Variants in COL4A6 observed in about 807,000 individuals in gnomAD.
COL4A6 encodes the protein collagen alpha-6(IV) chain.
COL4A6 carries 59 observed loss-of-function variants against 126.7 expected under a neutral mutation model. The ratio of observed to expected loss-of-function variants is 0.47; its 90% CI spans 0.38 to 0.58. The LOEUF is 0.58. Ranked by LOEUF, COL4A6 falls within the 20% of genes least tolerant of loss-of-function variation. The pLI is 0.00. For synonymous variants in COL4A6, 547 were observed against 496.6 expected, an observed-to-expected ratio of 1.10 and a Z score of -1.35; for missense variants, 1,285 against 1,337.3, an observed-to-expected ratio of 0.96 and a Z score of 0.61.
Position 108,344,195 on chromosome X carries a change from A to C in COL4A6, c.64-33367T>G, listed in dbSNP as rs943459579. On this transcript the variant is annotated intron_variant, in intron 2 of 44. Transcript: ENST00000334504. ...ATCAGCCCCTCGAAACACCCCAAAC[A>C]TTAGTTTCCACTGAGAATGTACTTA... Among the ~76,000 whole-genome samples the C allele has an allele frequency of 3.6e-5, 4 of 111,313 alleles. 1 individual carries two copies. The Admixed American group carries it at 3.8e-4, about 11-fold the overall frequency.
chrX:108,193,901 A>G (rs745834318), intron 16 of COL4A6, among the ~76,000 whole-genome samples: 2 of 113,015 alleles, frequency 1.8e-5, no homozygotes, highest in East Asian at 5.6e-4. Context: ...GAGGCCTAAC[A>G]TTCAATTGGA....
chrX:108,190,422 T>C lies in COL4A6; in HGVS notation c.1396A>G (p.Lys466Glu). Residue 466 changes from lysine (K) to glutamate (E), a missense_variant, in exon 20 of 45, where the codon AAA becomes GAA. Physicochemically the swap from Lys to Glu is moderately conservative, Grantham distance 56. Coordinates refer to ENST00000334504, the MANE Select transcript of COL4A6 (RefSeq NM_033641.4). ...FPGLRGEQGP[K>E]GNLGLKGIKG... is the part of the protein sequence containing the mutation. ...ATTCCTTTGAGGCCTAGGTTTCCTT[T>C]TGGACCTTGTTCTCCTCGGAGACCA... 1 of 1,207,112 alleles carries C rather than the reference T, an allele frequency of 8.3e-7. No homozygotes were observed. Among genetic ancestry groups the C allele is most frequent in the African/African-American group, 1.7e-5 (1 of 57,645 alleles).
At chrX:108,425,733 A>ACACACACACAC (rs1429344016) in intron 2 of COL4A6, among the ~76,000 whole-genome samples, 1 of 90,582 alleles carries the variant, frequency 1.1e-5, no homozygotes, top group East Asian at 3.6e-4. Flanking sequence ...CACACACACA[A>ACACACACACAC]ACACACACAC....
At chrX:108,227,562 G>T (rs996603438) in intron 3 of COL4A6, among the ~76,000 whole-genome samples, 4 of 109,847 alleles carry the variant, frequency 3.6e-5, no homozygotes, top group South Asian at 4.0e-4. Context: ...AGGGTGGGGG[G>T]GCTTTCAAGT....
intron 2 of COL4A6, among the ~76,000 whole-genome samples, chrX:108,409,018 A>G (rs950952899): frequency 8.9e-6 from 1 of 112,491 alleles, no homozygotes; most frequent in Non-Finnish European, 1.9e-5. Flanking sequence ...GTGGTTCTGT[A>G]TATGACTTCA....
chrX:108,170,789 G>A (rs1464059977), intron 34 of COL4A6, 21 bp downstream of exon 34: 1 of 1,206,130 alleles, frequency 8.3e-7, no homozygotes, highest in Admixed American at 2.2e-5. Flanking sequence ...TTCAGAATAA[G>A]GTTATCATGT....
chrX:108,289,630 A>G (rs781336635), intron 3 of COL4A6, among the ~76,000 whole-genome samples: 73 of 111,756 alleles, frequency 6.5e-4, no homozygotes, highest in African/African-American at 2.0e-3. Context: ...AAGAAGGGCC[A>G]GACATAGACT....
At chrX:108,362,637 T>C (rs1396525895) in intron 2 of COL4A6, among the ~76,000 whole-genome samples, 1 of 112,411 alleles carries the variant, frequency 8.9e-6, no homozygotes, top group African/African-American at 3.2e-5. Context: ...GGCCTATTTA[T>C]TGGTCCTTTG....
At chrX:108,307,403 A>G (rs903842488) in intron 3 of COL4A6, among the ~76,000 whole-genome samples, 3 of 112,133 alleles carry the variant, frequency 2.7e-5, no homozygotes, top group African/African-American at 9.7e-5. Flanking sequence ...GGAAACTGCA[A>G]AGCAGTGCAC....
At chrX:108,256,149 T>C (rs1458113614) in intron 3 of COL4A6, among the ~76,000 whole-genome samples, 2 of 112,566 alleles carry the variant, frequency 1.8e-5, no homozygotes, top group African/African-American at 6.4e-5. Context: ...GTATTGTATG[T>C]ATTTTATTTT....
chrX:108,265,772 G>A (rs1569393075), intron 3 of COL4A6, among the ~76,000 whole-genome samples: 1 of 110,646 alleles, frequency 9.0e-6, no homozygotes, highest in African/African-American at 3.3e-5. Flanking sequence ...ATAATGGCAC[G>A]GGATGAAGTT....
intron 2 of COL4A6, among the ~76,000 whole-genome samples, chrX:108,311,835 C>T (rs1026249688): frequency 2.7e-5 from 3 of 111,829 alleles, no homozygotes; most frequent in African/African-American, 9.8e-5. Flanking sequence ...TCCAACACTG[C>T]ATCTCCAATG....
chrX:108,412,878 C>T (rs2041358508), intron 2 of COL4A6, among the ~76,000 whole-genome samples: 1 of 112,255 alleles, frequency 8.9e-6, no homozygotes, highest in African/African-American at 3.2e-5. Context: ...ATCAACACAG[C>T]CTGGAGTCCC....
At chrX:108,434,824 G>A (rs1384672366) in intron 2 of COL4A6, among the ~76,000 whole-genome samples, 3 of 108,094 alleles carry the variant, frequency 2.8e-5, no homozygotes, top group Non-Finnish European at 5.7e-5. Flanking sequence ...TATATTATAT[G>A]TTGTGATTTT....
chrX:108,166,683 T>C (rs1189050847), intron 37 of COL4A6, among the ~76,000 whole-genome samples: 1 of 111,629 alleles, frequency 9.0e-6, no homozygotes, highest in Non-Finnish European at 1.9e-5. Context: ...TCTAGGTTTC[T>C]TAGGTCCGGA....
chrX:108,279,464 C>T (rs183585008), intron 3 of COL4A6, among the ~76,000 whole-genome samples: 2 of 111,767 alleles, frequency 1.8e-5, no homozygotes, highest in East Asian at 5.6e-4. Flanking sequence ...ATATATGCAC[C>T]CAATACAGGA....
rs746501842 is a variant in COL4A6 at position 108,187,096 on chromosome X, C to A, written c.1951G>T (p.Gly651Ter). Residue 651 changes from glycine to a stop codon, truncating the protein, a stop_gained and splice_region_variant, in exon 23 of 45, where the codon GGA (glycine) becomes TGA (stop). Transcript: ENST00000334504. LOFTEE classifies it high-confidence loss of function. ...PGQQGLPGSKGITLPCIIPGS... is the reference protein window; with the variant it reads ...PGQQGLPGSK ...AAAGCCATCTGATTCTATGACTCAC[C>A]CTTAGATCCGGGAAGGCCTTGTTGT... 1.7e-6 allele frequency: 2 copies of A among 1,147,736 alleles called. No individual in the cohort carries two copies. Among genetic ancestry groups the A allele is most frequent in the Non-Finnish European group, 2.3e-6 (2 of 857,662 alleles). 94.6% of individuals were successfully genotyped at this position (1,147,736 alleles called of 1,213,427 possible). A position where few individuals can be genotyped will look rare whatever the true frequency, so the allele number is the denominator to read the frequency against.
chrX:108,309,571 G>T (rs1312671043), intron 3 of COL4A6, among the ~76,000 whole-genome samples: 1 of 110,637 alleles, frequency 9.0e-6, no homozygotes, highest in Non-Finnish European at 1.9e-5. Context: ...TCAAATTCTG[G>T]CATAGTTTGA....
intron 3 of COL4A6, among the ~76,000 whole-genome samples, chrX:108,279,407 T>A (rs1275644216): frequency 5.4e-5 from 6 of 111,782 alleles, no homozygotes; most frequent in African/African-American, 2.0e-4. Context: ...GGCCATTACA[T>A]ATTGGTAAAG....
Sources: allele counts gnomAD v4.1 joint callset (sites outside exome capture counted in the v4.1 genomes callset), GRCh38; gene constraint gnomAD v4.1.1; transcripts MANE v1.5; gene names NCBI Gene and HGNC (gene_info 2026-07-23, HGNC 2026-07-21).